Variants in DCDC1 observed in about 807,000 individuals in gnomAD.
The protein encoded by DCDC1 is doublecortin domain containing 1, also known as doublecortin domain-containing protein 1.
Under a neutral mutation model 178.3 loss-of-function variants are expected in DCDC1, and 200 were observed. That is an observed-to-expected ratio of 1.12 (90% confidence interval 1.00 to 1.26). DCDC1 has a LOEUF of 1.26. Among genes scored for constraint, DCDC1 ranks in the 50% most tolerant of loss-of-function variants. DCDC1 has a pLI of 0.00. For synonymous variants in DCDC1, 690 were observed against 604.8 expected, an observed-to-expected ratio of 1.14 and a Z score of -2.07; for missense variants, 1,983 against 1,749.2, an observed-to-expected ratio of 1.13 and a Z score of -2.38.
intron 20 of DCDC1, among the ~76,000 whole-genome samples, chr11:31,025,929 A>C (rs1392307974): frequency 6.6e-6 from 1 of 151,826 alleles, no homozygotes; most frequent in African/African-American, 2.4e-5. Flanking sequence ...TGAGGCTATA[A>C]AAATCAATGA....
At chr11:31,211,119 T>C (rs1972480818) in intron 9 of DCDC1, among the ~76,000 whole-genome samples, 1 of 152,196 alleles carries the variant, frequency 6.6e-6, no homozygotes, top group Non-Finnish European at 1.5e-5. Flanking sequence ...TAGATGATCA[T>C]CCACCATGAC....
intron 20 of DCDC1, among the ~76,000 whole-genome samples, chr11:31,011,021 G>A (rs1331409040): frequency 6.6e-6 from 1 of 152,078 alleles, no homozygotes; most frequent in Non-Finnish European, 1.5e-5. Context: ...ACTCATGAAT[G>A]TATGGAAATA....
chr11:31,061,198 C>T (rs1955897579), intron 20 of DCDC1, among the ~76,000 whole-genome samples: 1 of 152,166 alleles, frequency 6.6e-6, no homozygotes, highest in African/African-American at 2.4e-5. Flanking sequence ...TCACAGGTCA[C>T]TGGGTGACAA....
intron 16 of DCDC1, among the ~76,000 whole-genome samples, chr11:31,092,183 TA>T (rs1407753124): frequency 6.6e-6 from 1 of 152,212 alleles, no homozygotes; most frequent in African/African-American, 2.4e-5. Context: ...GATGTATTTT[TA>T]AAACAGGAAG....
chr11:30,931,734 AAAGTGTATTTAATAAGTATGAAC>A lies in DCDC1; in HGVS notation c.2897+14_2897+36del. ...AGAACACAAAATCTGTACAAACTAG[AAAGTGTATTTAATAAGTATGAAC>A]AAGTTGTTCTTACTGCGTTTTCCGT... On this transcript the variant is annotated intron_variant, in intron 22 of 38. Transcript: ENST00000684477. The A allele has an allele frequency of 1.3e-6, 2 of 1,564,724 alleles. No homozygotes were observed. Among genetic ancestry groups the A allele is most frequent in the Non-Finnish European group, 1.7e-6 (2 of 1,153,362 alleles).
chr11:30,925,257 T>C (rs1421052921), intron 23 of DCDC1, 52 bp downstream of exon 23: 1 of 1,457,508 alleles, frequency 6.9e-7, no homozygotes, highest in East Asian at 2.3e-5. Flanking sequence ...GATTCTTTCT[T>C]GGATGGGGTA....
At chr11:31,113,469 G>C (rs1959311967) in intron 11 of DCDC1, among the ~76,000 whole-genome samples, 1 of 120,978 alleles carries the variant, frequency 8.3e-6, no homozygotes, top group Non-Finnish European at 1.6e-5. Context: ...GCCCCAGTGT[G>C]TGCTGTTCCC....
At chr11:31,254,091 G>T (rs986449394) in intron 8 of DCDC1, among the ~76,000 whole-genome samples, 1 of 152,180 alleles carries the variant, frequency 6.6e-6, no homozygotes, top group Non-Finnish European at 1.5e-5. Context: ...TACACTGAAA[G>T]TTGTGGAGTC....
chr11:30,943,691 A>G, intron 21 of DCDC1: 1 of 451,100 alleles, frequency 2.2e-6, no homozygotes, highest in Non-Finnish European at 4.4e-6. Flanking sequence ...CACAAAAGAA[A>G]CCAAAAGAAT....
chr11:30,994,480 T>A (rs953710090), intron 20 of DCDC1, among the ~76,000 whole-genome samples: 23 of 151,088 alleles, frequency 1.5e-4, no homozygotes, highest in African/African-American at 5.1e-4. Context: ...TTAGCAGAGA[T>A]GGAGTTTCAC....
intron 9 of DCDC1, among the ~76,000 whole-genome samples, chr11:31,212,616 G>C (rs1462850323): frequency 2.0e-5 from 3 of 151,980 alleles, no homozygotes; most frequent in Non-Finnish European, 1.5e-5. Context: ...TTTCAAATGA[G>C]ATTTTTTTAA....
intron 9 of DCDC1, among the ~76,000 whole-genome samples, chr11:31,208,192 T>C (rs1007232681): frequency 6.6e-6 from 1 of 152,198 alleles, no homozygotes; most frequent in African/African-American, 2.4e-5. Context: ...TTCTGTCTGT[T>C]CAATTACCTA....
intron 9 of DCDC1, among the ~76,000 whole-genome samples, chr11:31,177,122 T>C (rs2136258828): frequency 6.6e-6 from 1 of 152,026 alleles, no homozygotes; most frequent in South Asian, 2.1e-4. Context: ...ATATAATAGA[T>C]TAAAAAAATA....
intron 21 of DCDC1, among the ~76,000 whole-genome samples, chr11:30,942,352 A>C (rs1478918115): frequency 2.0e-5 from 3 of 152,206 alleles, no homozygotes; most frequent in Admixed American, 2.0e-4. Flanking sequence ...GATGGAGAAA[A>C]TCAACTTTTA....
Position 31,290,991 on chromosome 11 carries a change from C to T in DCDC1, c.755-139G>A, listed in dbSNP as rs1237257057. On this transcript the variant is annotated intron_variant, in intron 6 of 38. Coordinates refer to ENST00000684477, the MANE Select transcript of DCDC1 (RefSeq NM_001387274.1). ...AGATGCTGGTTTTCTGAAATGCTAC[C>T]ACCAGTTTCTTACTAACTGTGACAT... 6 of 740,224 alleles carry T rather than the reference C, an allele frequency of 8.1e-6. No homozygotes were observed. The East Asian group carries it at 1.6e-4, about 20-fold the overall frequency. The allele number at this position is 740,224 out of a possible 1,614,324, so 45.9% of individuals were successfully genotyped here. A position where few individuals can be genotyped will look rare whatever the true frequency, so the allele number is the denominator to read the frequency against.
At chr11:31,345,215 T>C (rs1255903715) in intron 1 of DCDC1, among the ~76,000 whole-genome samples, 1 of 152,054 alleles carries the variant, frequency 6.6e-6, no homozygotes, top group African/African-American at 2.4e-5. Context: ...TAAGACAGAG[T>C]AGCCTATAAA....
At chr11:30,972,159 A>G (rs1949837408) in intron 20 of DCDC1, among the ~76,000 whole-genome samples, 1 of 152,214 alleles carries the variant, frequency 6.6e-6, no homozygotes, top group Non-Finnish European at 1.5e-5. Flanking sequence ...CAATTCAAAA[A>G]AGTCTTCTCC....
chr11:31,293,029 C>T (rs887081867), intron 6 of DCDC1, among the ~76,000 whole-genome samples: 1 of 152,136 alleles, frequency 6.6e-6, no homozygotes, highest in African/African-American at 2.4e-5. Context: ...CACTATACCT[C>T]CCTGAATTTC....
At chr11:31,013,269 A>G (rs2135134433) in intron 20 of DCDC1, among the ~76,000 whole-genome samples, 1 of 152,270 alleles carries the variant, frequency 6.6e-6, no homozygotes, top group South Asian at 2.1e-4. Flanking sequence ...TCTTTTCAAG[A>G]GCGCTCCACT....
Sources: allele counts gnomAD v4.1 joint callset (sites outside exome capture counted in the v4.1 genomes callset), GRCh38; gene constraint gnomAD v4.1.1; transcripts MANE v1.5; gene names NCBI Gene and HGNC (gene_info 2026-07-23, HGNC 2026-07-21).